Variants in TG observed in about 807,000 individuals in gnomAD.
The protein encoded by TG is thyroglobulin, also known as thyroid hormones.
A neutral mutation model predicts 324.7 loss-of-function variants in TG; 270 were observed. The observed-to-expected ratio is 0.83, with a 90% CI of 0.75 to 0.92. The LOEUF (loss-of-function observed/expected upper bound fraction) is 0.92. TG is among the 40% of genes least tolerant of loss of function. The pLI, the probability that TG is intolerant of heterozygous loss-of-function variation, is 0.00. For synonymous variants in TG, 1,401 were observed against 1,327.0 expected, an observed-to-expected ratio of 1.06 and a Z score of -1.21; for missense variants, 3,591 against 3,456.4, an observed-to-expected ratio of 1.04 and a Z score of -0.98.
chr8:132,928,319 A>G (rs2132519646), intron 22 of TG, among the ~76,000 whole-genome samples: 1 of 152,308 alleles, frequency 6.6e-6, no homozygotes, highest in East Asian at 1.9e-4. Context: ...GGTTGTACAT[A>G]AGTTTTTCTT....
intron 35 of TG, among the ~76,000 whole-genome samples, chr8:132,986,092 G>A (rs1312439453): frequency 1.3e-5 from 2 of 151,960 alleles, no homozygotes; most frequent in East Asian, 1.9e-4. Flanking sequence ...AACCTCAAGC[G>A]ATAGGTCCTA....
At chr8:133,048,375 C>G (rs972364697) in intron 41 of TG, among the ~76,000 whole-genome samples, 3 of 152,152 alleles carry the variant, frequency 2.0e-5, no homozygotes, top group African/African-American at 7.2e-5. Context: ...CATGCACCAC[C>G]ACGTCTGGCA....
chr8:133,123,472 C>T (rs1851293777), intron 45 of TG, among the ~76,000 whole-genome samples: 1 of 152,188 alleles, frequency 6.6e-6, no homozygotes, highest in Non-Finnish European at 1.5e-5. Context: ...TCTCTAATGC[C>T]TCCTGTCACT....
intron 35 of TG, among the ~76,000 whole-genome samples, chr8:132,990,579 C>T (rs998366193): frequency 6.6e-6 from 1 of 152,170 alleles, no homozygotes; most frequent in African/African-American, 2.4e-5. Context: ...TCTCCTCCCC[C>T]TCCCTCTGAT....
At chr8:133,044,556 G>A (rs1838942140) in intron 41 of TG, among the ~76,000 whole-genome samples, 1 of 152,194 alleles carries the variant, frequency 6.6e-6, no homozygotes, top group South Asian at 2.1e-4. Context: ...GGTAGCCACT[G>A]CTAACTCCTA....
At chr8:133,069,708 C>G (rs887404665) in intron 41 of TG, among the ~76,000 whole-genome samples, 5 of 152,096 alleles carry the variant, frequency 3.3e-5, no homozygotes, top group African/African-American at 1.2e-4. Flanking sequence ...CAGTTAGAAA[C>G]AGAAGAAAAA....
Position 132,913,179 on chromosome 8 carries a change from G to A in TG, c.4292G>A (p.Gly1431Asp), listed in dbSNP as rs759444294. The A allele has an allele frequency of 1.2e-6, 2 of 1,614,106 alleles. No homozygotes were observed. Among genetic ancestry groups the A allele is most frequent in the Non-Finnish European group, 1.7e-6 (2 of 1,180,018 alleles). ...TIRFLQGDHFGTSPRTWFGCS... is the reference protein window; with the variant it reads ...TIRFLQGDHFDTSPRTWFGCS... Reference sequence around the variant, plus strand: ...CGCTTCCTCCAAGGGGACCACTTTGGCACCTCTCCCAGGACATGGTTTGGG... The same window carrying A: ...CGCTTCCTCCAAGGGGACCACTTTGACACCTCTCCCAGGACATGGTTTGGG... The change falls in exon 20 of 48, where the codon GGC (glycine) becomes GAC (aspartate). Residue 1431 changes from glycine to aspartate, a missense_variant. Gly to Asp is a moderately conservative substitution (Grantham distance 94, BLOSUM62 -1). Transcript: ENST00000220616.
At chr8:133,116,848 T>G in intron 45 of TG, 132 bp downstream of exon 45, 1 of 771,032 alleles carries the variant, frequency 1.3e-6, no homozygotes, top group Non-Finnish European at 2.2e-6. Context: ...ATAATTGTAG[T>G]AGCCACTTCA....
intron 45 of TG, among the ~76,000 whole-genome samples, chr8:133,128,777 G>T (rs1306424998): frequency 2.0e-5 from 3 of 152,204 alleles, no homozygotes; most frequent in Non-Finnish European, 4.4e-5. Context: ...ACCAAAAACA[G>T]CAGATGACAA....
chr8:132,960,128 C>T (rs1033360), intron 27 of TG, among the ~76,000 whole-genome samples: 114,644 of 151,900 alleles, frequency 0.75, 43,625 homozygotes, highest in African/African-American at 0.84. Flanking sequence ...CGCAGCACAC[C>T]ACCATGGCAC....
chr8:133,037,291 T>C (rs1169633701), intron 41 of TG: 1 of 152,210 alleles, frequency 6.6e-6, no homozygotes, highest in Non-Finnish European at 1.5e-5. Context: ...CCTTGTCTCT[T>C]AAAATTATGC....
chr8:133,019,450 C>A, intron 38 of TG, 152 bp from the exon 39 acceptor site: 1 of 660,920 alleles, frequency 1.5e-6, no homozygotes, highest in South Asian at 1.5e-5. Flanking sequence ...GAAGCTGAAT[C>A]TTTCCACTCC....
chr8:132,869,594 C>A, intron 2 of TG, 135 bp from the exon 3 acceptor site: 1 of 779,150 alleles, frequency 1.3e-6, no homozygotes, highest in Non-Finnish European at 2.2e-6. Context: ...CCCTTCTCCA[C>A]TCCACTCTCT....
At chr8:133,052,461 G>A (rs541908466) in intron 41 of TG, among the ~76,000 whole-genome samples, 86 of 152,258 alleles carry the variant, frequency 5.6e-4, no homozygotes, top group African/African-American at 1.9e-3. Flanking sequence ...CAGTCGTGTC[G>A]GGACGTAAAA....
chr8:133,060,275 G>C, intron 41 of TG: 1 of 1,599,040 alleles, frequency 6.3e-7, no homozygotes, highest in African/African-American at 1.3e-5. Flanking sequence ...CCAGTTTAGA[G>C]AGCATCGTGC....
intron 41 of TG, chr8:133,049,243 C>A: frequency 2.3e-6 from 1 of 431,028 alleles, no homozygotes; most frequent in Non-Finnish European, 4.6e-6. Context: ...TCTAAGATAT[C>A]TCTTGTTTAT....
chr8:132,976,470 G>A (rs559793582), intron 34 of TG, among the ~76,000 whole-genome samples: 2 of 152,308 alleles, frequency 1.3e-5, no homozygotes, highest in South Asian at 2.1e-4. Flanking sequence ...GGGGACAAAC[G>A]ATGAAACCAT....
chr8:133,081,402 T>C (rs1845722257), intron 41 of TG, among the ~76,000 whole-genome samples: 1 of 152,198 alleles, frequency 6.6e-6, no homozygotes, highest in East Asian at 1.9e-4. Context: ...GAAAACCATC[T>C]GGGGGGAGAG....
chr8:133,018,205 C>A (rs1165082905), intron 38 of TG, among the ~76,000 whole-genome samples: 1 of 151,758 alleles, frequency 6.6e-6, no homozygotes, highest in Non-Finnish European at 1.5e-5. Context: ...TCATGTAAAG[C>A]CCATCAGGTG....
Sources: allele counts gnomAD v4.1 joint callset (sites outside exome capture counted in the v4.1 genomes callset), GRCh38; gene constraint gnomAD v4.1.1; transcripts MANE v1.5; gene names NCBI Gene and HGNC (gene_info 2026-07-23, HGNC 2026-07-21).